Variants in ROBO1 observed in about 807,000 individuals in gnomAD.
The protein encoded by ROBO1 is roundabout guidance receptor 1.
ROBO1 carries 149 observed loss-of-function variants against 195.9 expected under a neutral mutation model. The ratio of observed to expected loss-of-function variants is 0.76; its 90% CI spans 0.67 to 0.87. ROBO1 has a LOEUF of 0.87. Ranked by LOEUF, ROBO1 falls within the 40% of genes least tolerant of loss-of-function variation. ROBO1 has a pLI of 0.00. For missense variants in ROBO1, 1,933 were observed against 2,068.3 expected (o/e 0.93, Z 1.27); for synonymous variants, 816 against 733.2 (o/e 1.11, Z -1.82).
chr3:79,035,443 G>A (rs2078365660), intron 3 of ROBO1, among the ~76,000 whole-genome samples: 1 of 152,156 alleles, frequency 6.6e-6, no homozygotes, highest in Non-Finnish European at 1.5e-5. Context: ...ATGAGAACTG[G>A]GTGAGGTGGC....
chr3:79,036,595 G>A (rs1472864167), intron 3 of ROBO1, among the ~76,000 whole-genome samples: 1 of 151,916 alleles, frequency 6.6e-6, no homozygotes, highest in Non-Finnish European at 1.5e-5. Flanking sequence ...AGATAATGAT[G>A]TCAATATGTT....
chr3:78,791,039 C>A (rs949460819), intron 4 of ROBO1, among the ~76,000 whole-genome samples: 1 of 152,122 alleles, frequency 6.6e-6, no homozygotes, highest in African/African-American at 2.4e-5. Flanking sequence ...CTAGAGCTAG[C>A]GAGAGGATGG....
At chr3:79,422,843 T>G (rs2038286079) in intron 2 of ROBO1, among the ~76,000 whole-genome samples, 2 of 152,264 alleles carry the variant, frequency 1.3e-5, no homozygotes, top group Middle Eastern at 3.4e-3. Flanking sequence ...CTCATTTTTA[T>G]TTCTGTGGTA....
chr3:79,157,662 A>C (rs1337885052), intron 2 of ROBO1, among the ~76,000 whole-genome samples: 1 of 151,918 alleles, frequency 6.6e-6, no homozygotes, highest in Non-Finnish European at 1.5e-5. Flanking sequence ...TTTTCCCCAG[A>C]ATAATTTGTT....
At chr3:79,472,213 G>T (rs1408279478) in intron 2 of ROBO1, among the ~76,000 whole-genome samples, 1 of 152,018 alleles carries the variant, frequency 6.6e-6, no homozygotes, top group Non-Finnish European at 1.5e-5. Flanking sequence ...TGAATGATAT[G>T]GATTTCTCTC....
intron 3 of ROBO1, among the ~76,000 whole-genome samples, chr3:78,993,645 C>G (rs1441787651): frequency 6.6e-6 from 1 of 152,154 alleles, no homozygotes; most frequent in Admixed American, 6.5e-5. Flanking sequence ...ACCTTTACAA[C>G]GTGAATCACA....
chr3:78,856,308 AC>A (rs1559929532), intron 4 of ROBO1, among the ~76,000 whole-genome samples: 5 of 147,858 alleles, frequency 3.4e-5, no homozygotes, highest in African/African-American at 1.3e-4. Context: ...AAAAAAAAAA[AC>A]AGTATGAGAA....
intron 22 of ROBO1, among the ~76,000 whole-genome samples, chr3:78,639,506 T>C (rs1169916051): frequency 1.6e-4 from 25 of 152,220 alleles, no homozygotes; most frequent in Admixed American, 1.6e-3. Context: ...TTGCTATTGA[T>C]TGTAGAATTT....
chr3:79,585,662 A>G (rs1943804898), intron 2 of ROBO1, among the ~76,000 whole-genome samples: 1 of 152,006 alleles, frequency 6.6e-6, no homozygotes, highest in South Asian at 2.1e-4. Flanking sequence ...ACATTAAAAT[A>G]AAATCAACTC....
chr3:78,712,985 T>C (rs1245789654), intron 8 of ROBO1, among the ~76,000 whole-genome samples: 1 of 152,208 alleles, frequency 6.6e-6, no homozygotes, highest in Non-Finnish European at 1.5e-5. Flanking sequence ...CACCTTTTCA[T>C]GTCTTGTATT....
chr3:79,651,196 T>G (rs1338320070), intron 1 of ROBO1, among the ~76,000 whole-genome samples: 1 of 152,098 alleles, frequency 6.6e-6, no homozygotes, highest in African/African-American at 2.4e-5. Flanking sequence ...ATTTAGGATG[T>G]TCATTAGCTC....
rs1215271397 is a variant in ROBO1 at position 78,651,811 on chromosome 3, G to A, written c.2733C>T (p.Leu911=). Residue 911 remains leucine (L), a synonymous_variant, in exon 19 of 31, where the codon CTC becomes CTT. Coordinates refer to ENST00000464233, the MANE Select transcript of ROBO1 (RefSeq NM_002941.4). Reference sequence around the variant, plus strand: ...GATAAAGCCAGATGCTGAAGACCATGAGGATGATCCAACAGGCTGCTCCAA... The same window carrying A: ...GATAAAGCCAGATGCTGAAGACCATAAGGATGATCCAACAGGCTGCTCCAA... ...AGIGAACWII[L]MVFSIWLYRH... is the part of the protein sequence containing the mutation. 3 of 1,613,694 alleles carry A rather than the reference G, an allele frequency of 1.9e-6. No individual in the cohort carries two copies. The highest frequency in any genetic ancestry group is 1.1e-5 in the South Asian group (1 of 91,072).
At chr3:78,736,062 A>G (rs2082384959) in intron 5 of ROBO1, among the ~76,000 whole-genome samples, 1 of 152,096 alleles carries the variant, frequency 6.6e-6, no homozygotes, top group African/African-American at 2.4e-5. Flanking sequence ...AGTATCTCCT[A>G]TTTTTAAGCC....
intron 2 of ROBO1, among the ~76,000 whole-genome samples, chr3:79,255,156 A>T (rs1261771361): frequency 6.6e-6 from 1 of 152,146 alleles, no homozygotes; most frequent in East Asian, 1.9e-4. Context: ...TGAAAAATCA[A>T]CCCTAGGCAG....
chr3:79,455,178 GC>G (rs1198259847), intron 2 of ROBO1, among the ~76,000 whole-genome samples: 6 of 151,758 alleles, frequency 4.0e-5, no homozygotes, highest in Non-Finnish European at 8.8e-5. Context: ...AACAGAAAGA[GC>G]AGTGTTGCTC....
chr3:78,924,841 A>C (rs1240999961), intron 4 of ROBO1, among the ~76,000 whole-genome samples: 1 of 152,116 alleles, frequency 6.6e-6, no homozygotes, highest in Non-Finnish European at 1.5e-5. Flanking sequence ...AAAATAATTA[A>C]ATATTTAGAG....
intron 2 of ROBO1, among the ~76,000 whole-genome samples, chr3:79,345,145 G>A (rs529865423): frequency 1.4e-4 from 22 of 152,236 alleles, no homozygotes; most frequent in African/African-American, 4.6e-4. Flanking sequence ...AATAGGAAGA[G>A]GTCTAGAAAT....
At chr3:79,343,696 A>C (rs1344837796) in intron 2 of ROBO1, among the ~76,000 whole-genome samples, 1 of 146,294 alleles carries the variant, frequency 6.8e-6, no homozygotes, top group African/African-American at 2.7e-5. Flanking sequence ...TCCTATACAT[A>C]GGTTTCCCCT....
intron 1 of ROBO1, among the ~76,000 whole-genome samples, chr3:79,691,006 A>G (rs1049575709): frequency 6.6e-6 from 1 of 151,890 alleles, no homozygotes; most frequent in Non-Finnish European, 1.5e-5. Context: ...AAATTTCAAG[A>G]TACATATTCT....
Sources: gnomAD v4.1 joint callset for allele counts (sites outside exome capture counted in the v4.1 genomes callset) on GRCh38, gnomAD v4.1.1 for gene constraint, MANE v1.5 for transcripts, NCBI Gene and HGNC (gene_info 2026-07-23, HGNC 2026-07-21) for gene names.